RAD50: variants seen among roughly 807,000 people sequenced by gnomAD.
RAD50 encodes the protein RAD50 double strand break repair protein, also known as DNA repair protein RAD50.
In RAD50, 132 loss-of-function variants were observed where a neutral mutation model predicts 168.8. The ratio of observed to expected loss-of-function variants is 0.78; its 90% CI spans 0.68 to 0.90. The LOEUF (loss-of-function observed/expected upper bound fraction) is 0.90. Among genes scored for constraint, RAD50 ranks in the 40% least tolerant of loss-of-function variants. RAD50 has a pLI of 0.00. For synonymous variants in RAD50, 525 were observed against 497.4 expected, an observed-to-expected ratio of 1.06 and a Z score of -0.74; for missense variants, 1,347 against 1,534.4, an observed-to-expected ratio of 0.88 and a Z score of 2.04.
chr5:132,603,466 G>A lies in RAD50; in HGVS notation c.2374G>A (p.Val792Ile), dbSNP rs1750925190. 6.2e-7 allele frequency: 1 copy of A among 1,613,906 alleles called. No homozygotes were observed. Among genetic ancestry groups the A allele is most frequent in the Non-Finnish European group, 8.5e-7 (1 of 1,179,872 alleles). Residue 792 changes from valine (V) to isoleucine (I), a missense_variant, in exon 14 of 25, where the codon GTT (valine) becomes ATT (isoleucine). By Grantham distance (29) the Val-to-Ile change is conservative. Coordinates refer to ENST00000378823, the MANE Select transcript of RAD50 (RefSeq NM_005732.4). ...EESAKVCLTD[V>I]TIMERFQMEL... ...AAGTGCCAAAGTATGCCTGACAGAT[G>A]TTACAATTATGGAGAGGTTCCAGGT...
chr5:132,630,367 G>T (rs1327753545), intron 21 of RAD50, among the ~76,000 whole-genome samples: 1 of 152,074 alleles, frequency 6.6e-6, no homozygotes, highest in Non-Finnish European at 1.5e-5. Context: ...AAGACTCATT[G>T]TAAACACGTA....
chr5:132,572,871 T>C (rs1041019789), intron 2 of RAD50, among the ~76,000 whole-genome samples: 2 of 152,244 alleles, frequency 1.3e-5, no homozygotes, highest in Non-Finnish European at 2.9e-5. Context: ...TAAAGTCAAG[T>C]GATTGACACC....
chr5:132,559,285 C>A lies in RAD50; in HGVS notation c.131C>A (p.Thr44Asn), dbSNP rs1229751571. The A allele has an allele frequency of 6.2e-7, 1 of 1,600,388 alleles. No homozygotes were observed. Among genetic ancestry groups the A allele is most frequent in the Non-Finnish European group, 8.5e-7 (1 of 1,173,790 alleles). Residue 44 changes from threonine to asparagine, a missense_variant and splice_region_variant, in exon 2 of 25, where the codon ACC becomes AAC. Physicochemically the swap from Thr to Asn is moderately conservative, Grantham distance 65. Transcript: ENST00000378823. ...TAATGTAATTTTCTATTTCTTTAGA[C>A]CATCATTGAATGTCTAAAATATATT... ...LVGPNGAGKTTIIECLKYICT... is the reference protein window; with the variant it reads ...LVGPNGAGKTNIIECLKYICT...
chr5:132,597,991 T>C (rs1463041429), intron 13 of RAD50, among the ~76,000 whole-genome samples: 1 of 151,432 alleles, frequency 6.6e-6, no homozygotes, highest in African/African-American at 2.4e-5. Flanking sequence ...TAGACTGTTA[T>C]ACAATAAATG....
Position 132,567,377 on chromosome 5 carries a change from T to C in RAD50, c.213+8010T>C, listed in dbSNP as rs116789490. On this transcript the variant is annotated intron_variant, in intron 2 of 24. Coordinates refer to ENST00000378823, the MANE Select transcript of RAD50 (RefSeq NM_005732.4). ...AGAAACATAAAAGGTGATTCTGCAT[T>C]CATTCCAGCTTTCTACCTGGGAACA... Among the ~76,000 whole-genome samples the C allele has an allele frequency of 1.0e-2, 1,523 of 152,350 alleles. 28 individuals carry two copies. Among genetic ancestry groups the C allele is most frequent in the African/African-American group, 0.035 (1,439 of 41,566 alleles).
rs1750479076 is a variant in RAD50, at chr5:132,580,045, G to A, written c.735G>A (p.Glu245=). 1 of 1,611,276 alleles carries A rather than the reference G, an allele frequency of 6.2e-7. No homozygotes were observed. The highest frequency in any genetic ancestry group is 1.3e-5 in the African/African-American group (1 of 74,864). Residue 245 remains glutamate, a synonymous_variant, in exon 5 of 25, where the codon GAG becomes GAA. Transcript: ENST00000378823. ...TSSKEIVKSY[E]NELDPLKNRL... ...CAAAGGAAATTGTCAAATCCTATGA[G>A]AATGAACTTGATCCATTGAAGGTAA...
At chr5:132,604,493 C>T (rs1328930176) in intron 15 of RAD50, among the ~76,000 whole-genome samples, 1 of 152,114 alleles carries the variant, frequency 6.6e-6, no homozygotes, top group African/African-American at 2.4e-5. Context: ...TCTCGAACTC[C>T]TGACCTCAGG....
At chr5:132,558,963 A>G (rs931606570) in intron 1 of RAD50, among the ~76,000 whole-genome samples, 2 of 152,202 alleles carry the variant, frequency 1.3e-5, no homozygotes, top group African/African-American at 2.4e-5. Flanking sequence ...AAATGTATGT[A>G]AGAGTGCTTA....
At chr5:132,637,617 C>T (rs1260353102) in intron 22 of RAD50, among the ~76,000 whole-genome samples, 2 of 151,920 alleles carry the variant, frequency 1.3e-5, no homozygotes, top group African/African-American at 4.8e-5. Flanking sequence ...GCAACCTCCA[C>T]CTCCTGGGTT....
rs1024112819 is a variant in RAD50, at chr5:132,646,270, T to C, written c.*3906T>C. ...ATCTCTCCTAAATGCTTGACTGATA[T>C]ATTCAGCTGCCTGTGGATAACTGGG... On this transcript the variant is annotated 3_prime_UTR_variant, in exon 25 of 25. Transcript: ENST00000378823. 5.9e-5 allele frequency: 9 copies of C among 152,192 alleles called. No individual in the cohort carries two copies. The highest frequency in any genetic ancestry group is 1.9e-4 in the African/African-American group (8 of 41,442). 9.4% of individuals were successfully genotyped at this position (152,192 alleles called of 1,614,324 possible). A position where few individuals can be genotyped will look rare whatever the true frequency, so the allele number is the denominator to read the frequency against.
At chr5:132,574,854 T>C (rs1429105753) in intron 2 of RAD50, among the ~76,000 whole-genome samples, 1 of 152,162 alleles carries the variant, frequency 6.6e-6, no homozygotes, top group East Asian at 1.9e-4. Flanking sequence ...AAAAGTCACC[T>C]TTGCCCCAGT....
At chr5:132,618,821 A>G (rs1751224700) in intron 21 of RAD50, among the ~76,000 whole-genome samples, 1 of 152,136 alleles carries the variant, frequency 6.6e-6, no homozygotes, top group African/African-American at 2.4e-5. Flanking sequence ...TCATGATACT[A>G]CCTCCCTCTA....
rs375578922 is a variant in RAD50 at position 132,594,469 on chromosome 5, A to G, written c.1794-400A>G. 3.9e-5 allele frequency among the ~76,000 whole-genome samples: 6 copies of G among 152,304 alleles called. No individual in the cohort carries two copies. In the East Asian group the frequency reaches 1.2e-3, roughly 29 times the overall value. ...AACAAGGAGGGGGAGGATACAAAAGAAACAGTATTTACAGGAGAGTAAGGA... is the reference window on the plus strand; with the variant it reads ...AACAAGGAGGGGGAGGATACAAAAGGAACAGTATTTACAGGAGAGTAAGGA... On this transcript the variant is annotated intron_variant, in intron 11 of 24. Transcript: ENST00000378823.
chr5:132,585,548 GTTAT>G (rs1185369919), intron 5 of RAD50, among the ~76,000 whole-genome samples: 1 of 139,278 alleles, frequency 7.2e-6, no homozygotes, highest in African/African-American at 2.6e-5. Context: ...ATTTTTCAAT[GTTAT>G]TTATTTATTG....
intron 9 of RAD50, among the ~76,000 whole-genome samples, chr5:132,590,648 T>G (rs1331474000): frequency 6.6e-6 from 1 of 152,230 alleles, no homozygotes; most frequent in African/African-American, 2.4e-5. Flanking sequence ...TAGTCTGTCC[T>G]CCTTCTTCAC....
chr5:132,610,312 G>A lies in RAD50; in HGVS notation c.3036+916G>A, dbSNP rs569732714. 1.9e-3 allele frequency among the ~76,000 whole-genome samples: 293 copies of A among 151,912 alleles called. 1 individual carries two copies. The highest frequency in any genetic ancestry group is 6.2e-3 in the African/African-American group (259 of 41,456). On this transcript the variant is annotated intron_variant, in intron 19 of 24. Coordinates refer to ENST00000378823, the MANE Select transcript of RAD50 (RefSeq NM_005732.4). Reference sequence around the variant, plus strand: ...TATGTAGCATAAATTCACAAAAGACGGATTAAGGTTTAATAATCTTGAAAG... The same window carrying A: ...TATGTAGCATAAATTCACAAAAGACAGATTAAGGTTTAATAATCTTGAAAG...
In RAD50 at chr5:132,636,663, C is replaced by T. The variant is rs555157789; in HGVS notation, c.3390-452C>T. On this transcript the variant is annotated intron_variant, in intron 21 of 24. Transcript: ENST00000378823. ...CTATTTTCCCCATAGACTGCAGGCC[C>T]CTTGGCTAACCGTAAACCTTCTACC... Among the ~76,000 whole-genome samples the T allele has an allele frequency of 3.4e-4, 52 of 152,240 alleles. No individual in the cohort carries two copies. In the Middle Eastern group the frequency reaches 0.027, roughly 80 times the overall value.
chr5:132,589,683 G>C lies in RAD50; in HGVS notation c.1298G>C (p.Arg433Thr). The C allele has an allele frequency of 6.2e-7, 1 of 1,611,294 alleles. No individual in the cohort carries two copies. Among genetic ancestry groups the C allele is most frequent in the Non-Finnish European group, 8.5e-7 (1 of 1,178,534 alleles). The change falls in exon 9 of 25, where the codon AGA (arginine) becomes ACA (threonine). Residue 433 changes from arginine (R) to threonine (T), a missense_variant. Physicochemically the swap from Arg to Thr is moderately conservative, Grantham distance 71. Around this residue, in one of 3 missense-constraint regions of RAD50, gnomAD observed 703 missense variants for 767.7 expected, o/e 0.92. Transcript: ENST00000378823. ...AAACAAAAACAGATAGATGAGATAA[G>C]AGATAAGAAAACTGGACTGGGAAGA... is the stretch of plus-strand genomic sequence containing the variant. Reference protein sequence around the residue: ...TLKQKQIDEIRDKKTGLGRII... With the variant: ...TLKQKQIDEITDKKTGLGRII...
chr5:132,587,724 AT>A (rs753421262), intron 6 of RAD50, 34 bp downstream of exon 6: 1 of 1,613,036 alleles, frequency 6.2e-7, no homozygotes, highest in Non-Finnish European at 8.5e-7. Context: ...CTGCTTCAAA[AT>A]TTTGGGATTA....
Sources: gnomAD v4.1 joint callset for allele counts (sites outside exome capture counted in the v4.1 genomes callset) on GRCh38, gnomAD v4.1.1 for gene constraint, gnomAD v4.1.1 regional missense constraint, MANE v1.5 for transcripts, NCBI Gene and HGNC (gene_info 2026-07-23, HGNC 2026-07-21) for gene names.